DPP6: variants seen among roughly 807,000 people sequenced by gnomAD.
DPP6 encodes the protein A-type potassium channel modulatory protein DPP6.
DPP6 carries 69 observed loss-of-function variants against 122.6 expected under a neutral mutation model. The observed-to-expected ratio is 0.56, with a 90% CI of 0.46 to 0.69. The LOEUF (loss-of-function observed/expected upper bound fraction) is 0.69, where lower values mean the gene tolerates loss of function less well. Ranked by LOEUF, DPP6 falls within the 30% of genes least tolerant of loss-of-function variation. The pLI, the probability that DPP6 is intolerant of heterozygous loss-of-function variation, is 0.00. For synonymous variants in DPP6, 418 were observed against 433.1 expected (o/e 0.97, Z 0.43); for missense variants, 928 against 1,116.9 (o/e 0.83, Z 2.41).
At chr7:154,889,432 CTTT>C (rs11335725) in intron 24 of DPP6, 22 bp from the exon 25 acceptor site, 2,806 of 1,464,554 alleles carry the variant, frequency 1.9e-3, no homozygotes, top group Admixed American at 8.6e-3. Context: ...GTCTTCCTCT[CTTT>C]TTTTTTTTTT....
At chr7:154,594,320 G>A (rs1832966334) in intron 5 of DPP6, among the ~76,000 whole-genome samples, 1 of 152,154 alleles carries the variant, frequency 6.6e-6, no homozygotes, top group Non-Finnish European at 1.5e-5. Flanking sequence ...GGGTGTAGGG[G>A]TTTAGGGGTC....
At chr7:154,657,847 G>A (rs1395607237) in intron 6 of DPP6, among the ~76,000 whole-genome samples, 7 of 152,188 alleles carry the variant, frequency 4.6e-5, no homozygotes, top group African/African-American at 1.7e-4. Flanking sequence ...AGCAAAATCC[G>A]AGAGGCTGAG....
chr7:154,706,228 T>C (rs1439074920), intron 7 of DPP6, among the ~76,000 whole-genome samples: 1 of 152,130 alleles, frequency 6.6e-6, no homozygotes, highest in Non-Finnish European at 1.5e-5. Context: ...TGCTGTGGCC[T>C]CCTCCCTTCC....
At position 154,889,309 on chromosome 7, in the gene DPP6, A is replaced by G; in HGVS notation, c.2342A>G (p.Glu781Gly). The part of the protein sequence containing the change: ...KVAHRVSALE[E>G]QQFLIIHPTA... ...GCCCATCGAGTCTCCGCGCTGGAAG[A>G]ACAGCAGTTCCTGATCATTCATCCC... Residue 781 changes from glutamate (E) to glycine (G), a missense_variant, in exon 24 of 26, where the codon GAA (glutamate) becomes GGA (glycine). Transcript: ENST00000377770. 6.2e-7 allele frequency: 1 copy of G among 1,613,078 alleles called. No individual in the cohort carries two copies.
At chr7:154,749,949 C>T (rs1087694) in intron 8 of DPP6, among the ~76,000 whole-genome samples, 60 of 112,242 alleles carry the variant, frequency 5.3e-4, no homozygotes, top group African/African-American at 1.5e-3. Context: ...GAGCATAGGA[C>T]GGGAAAGAGA....
chr7:154,371,039 G>C lies in DPP6; in HGVS notation c.244-75175G>C, dbSNP rs1000640043. On this transcript the variant is annotated intron_variant, in intron 1 of 25. Transcript: ENST00000377770. ...AAGGTCTGCTCCTGATACCAGGGAG[G>C]TTTTAGCTTTCTGCCAAAAGAAATG... is the stretch of plus-strand genomic sequence containing the variant. Among the ~76,000 whole-genome samples, 6 of 152,154 alleles carry C rather than the reference G, an allele frequency of 3.9e-5. No homozygotes were observed. In the East Asian group the frequency reaches 1.2e-3, roughly 29 times the overall value.
At chr7:154,767,780 G>A (rs879451285) in intron 8 of DPP6, among the ~76,000 whole-genome samples, 3 of 152,092 alleles carry the variant, frequency 2.0e-5, no homozygotes, top group Non-Finnish European at 2.9e-5. Flanking sequence ...TCCATACTCC[G>A]GGATGCACCA....
intron 4 of DPP6, among the ~76,000 whole-genome samples, chr7:154,541,489 A>G (rs1440951450): frequency 6.6e-6 from 1 of 152,212 alleles, no homozygotes; most frequent in African/African-American, 2.4e-5. Context: ...AAAGATATGT[A>G]TTAGAAATAT....
At chr7:154,345,345 A>T (rs2151069253) in intron 1 of DPP6, among the ~76,000 whole-genome samples, 1 of 152,322 alleles carries the variant, frequency 6.6e-6, no homozygotes, top group East Asian at 1.9e-4. Context: ...CGATTTCAGC[A>T]TGGAATTGAG....
chr7:154,282,020 C>T lies in DPP6; in HGVS notation c.244-164194C>T, dbSNP rs79086175. 0.016 allele frequency among the ~76,000 whole-genome samples: 2,435 copies of T among 152,222 alleles called. 61 individuals carry two copies. Among genetic ancestry groups the T allele is most frequent in the East Asian group, 0.12 (631 of 5,156 alleles). On this transcript the variant is annotated intron_variant, in intron 1 of 25. Transcript: ENST00000377770. This position sits in a 1 kb window ranked among gnomAD's most constrained non-coding sequence, Gnocchi z 4.8. ...TGTGACTCTAGCTTAGTGACTTAAC[C>T]TTTCAACACCTCTGTTTCCTCCCCT...
chr7:154,496,199 A>G (rs1452763182), intron 3 of DPP6, among the ~76,000 whole-genome samples: 1 of 152,154 alleles, frequency 6.6e-6, no homozygotes, highest in Non-Finnish European at 1.5e-5. Flanking sequence ...ATACTAGTGA[A>G]CTTAATTTAT....
At chr7:153,967,561 C>T (rs1257721596) in intron 1 of DPP6, among the ~76,000 whole-genome samples, 1 of 152,100 alleles carries the variant, frequency 6.6e-6, no homozygotes, top group African/African-American at 2.4e-5. Context: ...ATTAGCTGAC[C>T]TCGGGGGTGT....
At chr7:153,820,966 G>C in the DPP6 span, among the ~76,000 whole-genome samples, 1 of 147,078 alleles carries the variant, frequency 6.8e-6, no homozygotes, top group African/African-American at 2.5e-5. Context: ...CACAGAACTA[G>C]CATTGACACC....
rs568492218 is a variant in DPP6, at chr7:154,080,472, G to A, written c.243+27409G>A. On this transcript the variant is annotated intron_variant, in intron 1 of 25. Coordinates refer to ENST00000377770, the MANE Select transcript of DPP6 (RefSeq NM_130797.4). Reference sequence around the variant, plus strand: ...ATGGATCCTGCCCTTAGACCAAAGCGACCTTGATGTTATTGCACAAATTAC... The same window carrying A: ...ATGGATCCTGCCCTTAGACCAAAGCAACCTTGATGTTATTGCACAAATTAC... Among the ~76,000 whole-genome samples the A allele has an allele frequency of 2.2e-4, 33 of 152,260 alleles. No individual in the cohort carries two copies. In the South Asian group the frequency reaches 5.6e-3, roughly 26 times the overall value.
chr7:154,713,258 A>G (rs1402566788), intron 7 of DPP6, among the ~76,000 whole-genome samples: 1 of 152,178 alleles, frequency 6.6e-6, no homozygotes, highest in African/African-American at 2.4e-5. Flanking sequence ...ATGGGCTGAC[A>G]TTGTCTGTGG....
intron 1 of DPP6, among the ~76,000 whole-genome samples, chr7:154,192,416 A>G (rs1798658019): frequency 6.6e-6 from 1 of 152,216 alleles, no homozygotes; most frequent in East Asian, 1.9e-4. Context: ...CAGTTCCTTC[A>G]CTGCCTCTTG....
intron 6 of DPP6, among the ~76,000 whole-genome samples, chr7:154,659,191 A>G (rs866392218): frequency 2.0e-5 from 3 of 152,250 alleles, no homozygotes; most frequent in Non-Finnish European, 2.9e-5. Context: ...ATGATTGAGG[A>G]TTGAGACCCT....
intron 8 of DPP6, among the ~76,000 whole-genome samples, chr7:154,747,369 A>C (rs984313903): frequency 2.0e-5 from 3 of 152,218 alleles, no homozygotes; most frequent in Non-Finnish European, 4.4e-5. Context: ...TGATTTGCCC[A>C]GTGAAATGGG....
At chr7:154,057,022 A>G (rs574628749) in intron 1 of DPP6, among the ~76,000 whole-genome samples, 2 of 152,212 alleles carry the variant, frequency 1.3e-5, no homozygotes, top group South Asian at 4.1e-4. Context: ...CAGAATAGCT[A>G]TGGATATTGC....
Sources: allele counts gnomAD v4.1 joint callset (sites outside exome capture counted in the v4.1 genomes callset), GRCh38; gene constraint gnomAD v4.1.1; non-coding constraint Gnocchi (gnomAD v3.1); transcripts MANE v1.5; gene names NCBI Gene and HGNC (gene_info 2026-07-23, HGNC 2026-07-21).